The following NAALADL2 variants were observed in gnomAD, a reference collection of about 807,000 sequenced individuals.
NAALADL2 encodes inactive N-acetylated-alpha-linked acidic dipeptidase-like protein 2.
Under a neutral mutation model 87.2 loss-of-function variants are expected in NAALADL2, and 76 were observed. The ratio of observed to expected loss-of-function variants is 0.87; its 90% confidence interval spans 0.72 to 1.05. The LOEUF (loss-of-function observed/expected upper bound fraction) is 1.05. NAALADL2 is among the 50% of genes least tolerant of loss of function. NAALADL2 has a pLI of 0.00. For synonymous variants in NAALADL2, 354 were observed against 331.0 expected, an observed-to-expected ratio of 1.07 and a Z score of -0.75; for missense variants, 1,089 against 945.8, an observed-to-expected ratio of 1.15 and a Z score of -1.99.
At chr3:174,455,638 A>G (rs774369706) in intron 1 of NAALADL2, among the ~76,000 whole-genome samples, 1 of 152,212 alleles carries the variant, frequency 6.6e-6, no homozygotes, top group Non-Finnish European at 1.5e-5. Context: ...TCATCTCAAT[A>G]GATTCAGAAA....
intron 13 of NAALADL2, among the ~76,000 whole-genome samples, chr3:175,762,192 A>ATTTTTTTTTTTTTTTTTTTTTTTTT (rs55668165): frequency 8.8e-6 from 1 of 114,168 alleles, no homozygotes. Context: ...CTGTGTTTCG[A>ATTTTTTTTTTTTTTTTTTTTTTTTT]TTTTTTTTTT....
chr3:175,622,747 G>T (rs927138399), intron 10 of NAALADL2, among the ~76,000 whole-genome samples: 4 of 151,986 alleles, frequency 2.6e-5, no homozygotes, highest in African/African-American at 9.7e-5. Context: ...ATAAATATGG[G>T]CACATACTAT....
rs1754802041 is a variant in NAALADL2 at position 175,807,350 on chromosome 3, A to T, written c.*4147A>T. On this transcript the variant is annotated 3_prime_UTR_variant, in exon 14 of 14. Coordinates refer to ENST00000454872, the MANE Select transcript of NAALADL2 (RefSeq NM_207015.3). ...AAAATAAAATAAATGATTATTTGTG[A>T]CCATGTTACTAATGATGAATCAGCA... The T allele has an allele frequency of 6.6e-6, 1 of 151,958 alleles. No homozygotes were observed. The highest frequency in any genetic ancestry group is 1.5e-5 in the Non-Finnish European group (1 of 67,900). 9.4% of individuals were successfully genotyped at this position (151,958 alleles called of 1,614,324 possible).
At chr3:174,727,311 G>A (rs749727029) in intron 2 of NAALADL2, among the ~76,000 whole-genome samples, 1 of 151,484 alleles carries the variant, frequency 6.6e-6, no homozygotes, top group African/African-American at 2.4e-5. Flanking sequence ...TTAAGGATAT[G>A]GAGATCAGTG....
At chr3:174,799,352 G>A (rs534038692) in intron 3 of NAALADL2, among the ~76,000 whole-genome samples, 7 of 152,064 alleles carry the variant, frequency 4.6e-5, no homozygotes, top group Non-Finnish European at 7.3e-5. Flanking sequence ...TGTTATGGGA[G>A]GGACTTGGTG....
At chr3:174,941,686 T>A (rs1738618287) in intron 1 of NAALADL2, among the ~76,000 whole-genome samples, 1 of 152,202 alleles carries the variant, frequency 6.6e-6, no homozygotes, top group Admixed American at 6.5e-5. Flanking sequence ...TCTCCTGTGT[T>A]GGGTGCATAT....
chr3:174,578,589 G>A (rs1715806591), intron 2 of NAALADL2, among the ~76,000 whole-genome samples: 2 of 151,918 alleles, frequency 1.3e-5, no homozygotes, highest in South Asian at 4.1e-4. Context: ...ATTTTGGAAG[G>A]GTAGATTTAT....
rs530859117 is a variant in NAALADL2 at position 175,366,810 on chromosome 3, G to C, written c.1090+42485G>C. Among the ~76,000 whole-genome samples the C allele has an allele frequency of 2.0e-3, 311 of 151,802 alleles. 5 individuals carry two copies. Among genetic ancestry groups the C allele is most frequent in the African/African-American group, 7.2e-3 (298 of 41,284 alleles). ...AAAATTTTCTCCCATTTTGTAGGTT[G>C]CCTGTTCACTCTGTTGGTAGTTTCT... is the stretch of plus-strand genomic sequence containing the variant. On this transcript the variant is annotated intron_variant, in intron 5 of 13. Coordinates refer to ENST00000454872, the MANE Select transcript of NAALADL2 (RefSeq NM_207015.3).
intron 9 of NAALADL2, among the ~76,000 whole-genome samples, chr3:175,513,289 T>A (rs1043673509): frequency 2.0e-5 from 3 of 152,156 alleles, no homozygotes; most frequent in Non-Finnish European, 2.9e-5. Flanking sequence ...ATGAGCCATA[T>A]GTGGATTTTA....
chr3:175,350,917 A>G (rs1431877251), intron 5 of NAALADL2, among the ~76,000 whole-genome samples: 2 of 152,282 alleles, frequency 1.3e-5, no homozygotes, highest in South Asian at 4.1e-4. Context: ...ATACTTTCAC[A>G]TACATACAAA....
chr3:175,404,392 C>T (rs1456003769), intron 5 of NAALADL2, among the ~76,000 whole-genome samples: 1 of 152,126 alleles, frequency 6.6e-6, no homozygotes, highest in African/African-American at 2.4e-5. Context: ...CCTATAATCA[C>T]CAAATAACTG....
intron 1 of NAALADL2, among the ~76,000 whole-genome samples, chr3:175,072,188 GTGT>G (rs935881936): frequency 3.3e-5 from 5 of 152,020 alleles, no homozygotes; most frequent in Non-Finnish European, 7.4e-5. Context: ...GGACAGGCTA[GTGT>G]TGTGATTAGG....
intron 2 of NAALADL2, among the ~76,000 whole-genome samples, chr3:174,730,981 A>G (rs1488003763): frequency 6.6e-6 from 1 of 152,142 alleles, no homozygotes; most frequent in Non-Finnish European, 1.5e-5. Flanking sequence ...TGTATATATT[A>G]TAACACAATT....
At chr3:175,323,293 T>A (rs1273817651) in intron 4 of NAALADL2, among the ~76,000 whole-genome samples, 11 of 126,052 alleles carry the variant, frequency 8.7e-5, no homozygotes, top group Non-Finnish European at 1.4e-4. Flanking sequence ...AACAATGAGA[T>A]CACATGGACA....
At chr3:175,135,545 A>G (rs1419724825) in intron 2 of NAALADL2, among the ~76,000 whole-genome samples, 1 of 152,182 alleles carries the variant, frequency 6.6e-6, no homozygotes, top group Non-Finnish European at 1.5e-5. Flanking sequence ...AAGTTAGTCA[A>G]ATAAAGTGAT....
At chr3:175,731,490 A>G (rs1743743560) in intron 11 of NAALADL2, among the ~76,000 whole-genome samples, 1 of 152,196 alleles carries the variant, frequency 6.6e-6, no homozygotes, top group African/African-American at 2.4e-5. Flanking sequence ...TGAGATATAC[A>G]GGTATAAAGT....
chr3:175,233,864 C>A, intron 2 of NAALADL2, 67 bp from the exon 3 acceptor site: 2 of 814,090 alleles, frequency 2.5e-6, no homozygotes, highest in South Asian at 1.8e-5. Context: ...ATATATTGAG[C>A]AGTCATATCT....
At chr3:175,209,229 T>G (rs1452041226) in intron 2 of NAALADL2, among the ~76,000 whole-genome samples, 1 of 152,092 alleles carries the variant, frequency 6.6e-6, no homozygotes, top group East Asian at 1.9e-4. Flanking sequence ...CATGAATAGA[T>G]GTACTGCATT....
chr3:175,784,129 A>T (rs926944662), intron 13 of NAALADL2, among the ~76,000 whole-genome samples: 1 of 149,830 alleles, frequency 6.7e-6, no homozygotes, highest in Non-Finnish European at 1.5e-5. Flanking sequence ...GGATTTTTGC[A>T]TCAAGGTTCA....
Sources: gnomAD v4.1 joint callset for allele counts (sites outside exome capture counted in the v4.1 genomes callset) on GRCh38, gnomAD v4.1.1 for gene constraint, MANE v1.5 for transcripts, NCBI Gene and HGNC (gene_info 2026-07-23, HGNC 2026-07-21) for gene names.